Variants in CHRM3 observed in about 807,000 individuals in gnomAD.
CHRM3 encodes cholinergic receptor muscarinic 3, also known as muscarinic acetylcholine receptor M3.
In CHRM3, 11 loss-of-function variants were observed where a neutral mutation model predicts 41.8. The ratio of observed to expected loss-of-function variants is 0.26; its 90% CI spans 0.17 to 0.44. The LOEUF (loss-of-function observed/expected upper bound fraction) is 0.44. Ranked by LOEUF, CHRM3 falls within the 20% of genes least tolerant of loss-of-function variation. The pLI is 1.00. For synonymous variants in CHRM3, 297 were observed against 301.4 expected (o/e 0.99, Z 0.15); for missense variants, 571 against 745.4 (o/e 0.77, Z 2.72).
intron 1 of CHRM3, among the ~76,000 whole-genome samples, chr1:239,453,598 A>C (rs1351028179): frequency 6.6e-6 from 1 of 152,200 alleles, no homozygotes; most frequent in Non-Finnish European, 1.5e-5. Flanking sequence ...TCCAAAATGA[A>C]TGAACAAGTT....
intron 6 of CHRM3, among the ~76,000 whole-genome samples, chr1:239,828,835 G>C (rs1379580636): frequency 6.6e-6 from 1 of 152,228 alleles, no homozygotes. Context: ...TCTGCCTGCT[G>C]TGCGGATAGC....
chr1:239,717,636 G>C (rs1033233435), intron 5 of CHRM3, among the ~76,000 whole-genome samples: 5 of 151,960 alleles, frequency 3.3e-5, no homozygotes, highest in African/African-American at 7.2e-5. Flanking sequence ...GGATTCAAGG[G>C]GGGTGCTTAT....
At chr1:239,642,739 A>C (rs1671314838) in intron 4 of CHRM3, among the ~76,000 whole-genome samples, 1 of 152,076 alleles carries the variant, frequency 6.6e-6, no homozygotes, top group African/African-American at 2.4e-5. Context: ...GAGTACTTTG[A>C]TCATCTGAAG....
chr1:239,720,044 A>G (rs1662782435), intron 5 of CHRM3: 1 of 151,962 alleles, frequency 6.6e-6, no homozygotes, highest in African/African-American at 2.4e-5. Context: ...GGAACTGGGC[A>G]CTAAAAATAC....
chr1:239,889,173 G>T (rs1005534663), intron 6 of CHRM3, among the ~76,000 whole-genome samples: 6 of 152,124 alleles, frequency 3.9e-5, no homozygotes, highest in Admixed American at 1.3e-4. Context: ...AATGCAGGGG[G>T]GTTTATAGAT....
intron 6 of CHRM3, among the ~76,000 whole-genome samples, chr1:239,828,433 C>G (rs561944700): frequency 3.9e-4 from 59 of 152,088 alleles, no homozygotes; most frequent in African/African-American, 1.2e-3. Context: ...GTTGTGGGAC[C>G]ATAACTGGCA....
At chr1:239,538,831 T>G (rs776113558) in intron 2 of CHRM3, among the ~76,000 whole-genome samples, 9 of 152,212 alleles carry the variant, frequency 5.9e-5, no homozygotes, top group Non-Finnish European at 8.8e-5. Context: ...CTACTTTTGT[T>G]ATGCCTGAGC....
At chr1:239,631,641 G>T (rs560364740) in intron 3 of CHRM3, among the ~76,000 whole-genome samples, 1 of 152,080 alleles carries the variant, frequency 6.6e-6, no homozygotes. Flanking sequence ...TAAGATTCTG[G>T]CCTAGCTGTC....
intron 2 of CHRM3, among the ~76,000 whole-genome samples, chr1:239,499,217 A>G (rs890208281): frequency 1.3e-5 from 2 of 152,158 alleles, no homozygotes; most frequent in Non-Finnish European, 2.9e-5. Flanking sequence ...TTAGGAGATC[A>G]TTCGGTGCTA....
At chr1:239,411,520 T>A (rs1435136713) in intron 1 of CHRM3, among the ~76,000 whole-genome samples, 2 of 149,818 alleles carry the variant, frequency 1.3e-5, no homozygotes, top group South Asian at 2.1e-4. Context: ...AGGTCAGGAG[T>A]TCAAGACCAG....
At chr1:239,450,485 C>CATAGT in intron 1 of CHRM3, among the ~76,000 whole-genome samples, 1 of 152,256 alleles carries the variant, frequency 6.6e-6, no homozygotes, top group African/African-American at 2.4e-5. Context: ...GCATGATTTT[C>CATAGT]AGATCTTCAT....
intron 4 of CHRM3, among the ~76,000 whole-genome samples, chr1:239,637,935 C>G (rs1208657228): frequency 8.3e-6 from 1 of 121,148 alleles, no homozygotes; most frequent in African/African-American, 3.1e-5. Flanking sequence ...ACAACAGTCC[C>G]CAGAGTGTGA....
chr1:239,532,076 G>C (rs1387940811), intron 2 of CHRM3, among the ~76,000 whole-genome samples: 30 of 126,330 alleles, frequency 2.4e-4, no homozygotes. Context: ...GCAGTAGCGC[G>C]ATCTCGGCTC....
At chr1:239,589,974 A>G (rs1558346263) in intron 3 of CHRM3, among the ~76,000 whole-genome samples, 1 of 152,108 alleles carries the variant, frequency 6.6e-6, no homozygotes, top group Non-Finnish European at 1.5e-5. Flanking sequence ...AAAAACCCAC[A>G]GTTTTAGCAT....
intron 6 of CHRM3, among the ~76,000 whole-genome samples, chr1:239,832,829 A>G (rs1673004815): frequency 6.6e-6 from 1 of 152,110 alleles, no homozygotes; most frequent in Non-Finnish European, 1.5e-5. Context: ...TTTAAAGCAA[A>G]ATTAGGAATG....
intron 5 of CHRM3, among the ~76,000 whole-genome samples, chr1:239,683,551 T>A (rs796462486): frequency 1.1e-4 from 16 of 152,338 alleles, no homozygotes; most frequent in African/African-American, 3.8e-4. Flanking sequence ...TTTTTACTTT[T>A]TTCTGCCATA....
chr1:239,683,242 T>C (rs1308960693), intron 5 of CHRM3, among the ~76,000 whole-genome samples: 2 of 152,102 alleles, frequency 1.3e-5, no homozygotes, highest in Admixed American at 6.6e-5. Context: ...ATAATTCACA[T>C]CCAATGCATT....
At chr1:239,705,149 G>C (rs1163143551) in intron 5 of CHRM3, 3 of 152,216 alleles carry the variant, frequency 2.0e-5, no homozygotes, top group African/African-American at 7.2e-5. Context: ...CGAGGTTACA[G>C]TGAGCTATGA....
At chr1:239,856,383 G>A (rs890527544) in intron 6 of CHRM3, among the ~76,000 whole-genome samples, 1 of 152,070 alleles carries the variant, frequency 6.6e-6, no homozygotes, top group African/African-American at 2.4e-5. Context: ...TCATGAGTGA[G>A]TTCTCACGAA....
Sources: allele counts gnomAD v4.1 joint callset (sites outside exome capture counted in the v4.1 genomes callset), GRCh38; gene constraint gnomAD v4.1.1; transcripts MANE v1.5; gene names NCBI Gene and HGNC (gene_info 2026-07-23, HGNC 2026-07-21).